Variants in SLC39A11 observed in about 807,000 individuals in gnomAD.
SLC39A11 encodes the protein zinc transporter ZIP11.
A neutral mutation model predicts 36.1 loss-of-function variants in SLC39A11; 33 were observed. The observed-to-expected ratio is 0.91, with a 90% CI of 0.69 to 1.22. The LOEUF is 1.22. SLC39A11 is among the 50% of genes most tolerant of loss of function. The probability of loss-of-function intolerance (pLI) is 0.00; values close to 1 mark genes in which losing one functional copy is unlikely to be tolerated. For missense variants in SLC39A11, 432 were observed against 430.3 expected, an observed-to-expected ratio of 1.00 and a Z score of -0.03; for synonymous variants, 166 against 170.3, an observed-to-expected ratio of 0.97 and a Z score of 0.20.
intron 5 of SLC39A11, among the ~76,000 whole-genome samples, chr17:72,901,082 G>T (rs1598344921): frequency 2.0e-5 from 3 of 152,322 alleles, no homozygotes; most frequent in Admixed American, 2.0e-4. Flanking sequence ...CAGCAATGCT[G>T]TTAAACTGAA....
chr17:72,903,041 T>C (rs1220408896), intron 5 of SLC39A11, among the ~76,000 whole-genome samples: 4 of 152,052 alleles, frequency 2.6e-5, no homozygotes, highest in African/African-American at 9.7e-5. Flanking sequence ...CCAAGGTAAG[T>C]GGATCACCTG....
At chr17:72,764,950 T>C (rs1009659961) in intron 6 of SLC39A11, among the ~76,000 whole-genome samples, 1 of 152,212 alleles carries the variant, frequency 6.6e-6, no homozygotes, top group Non-Finnish European at 1.5e-5. Context: ...CCATCTCTCC[T>C]ACAACCTCCA....
At chr17:72,727,214 T>C (rs2073963910) in intron 7 of SLC39A11, among the ~76,000 whole-genome samples, 1 of 152,166 alleles carries the variant, frequency 6.6e-6, no homozygotes, top group African/African-American at 2.4e-5. Context: ...TGAGGGCATG[T>C]CTCCTCTCCA....
intron 6 of SLC39A11, among the ~76,000 whole-genome samples, chr17:72,798,430 T>TTTTTTTTTA (rs2076972226): frequency 6.6e-6 from 1 of 150,932 alleles, no homozygotes. Flanking sequence ...TTTTTTTTTT[T>TTTTTTTTTA]TGAGATGGAG....
intron 7 of SLC39A11, among the ~76,000 whole-genome samples, chr17:72,687,386 G>A (rs2071808930): frequency 6.6e-6 from 1 of 152,182 alleles, no homozygotes; most frequent in Non-Finnish European, 1.5e-5. Flanking sequence ...TGGGACTACA[G>A]GCGCGTGCCA....
chr17:72,881,128 C>A (rs2081179596), intron 5 of SLC39A11, among the ~76,000 whole-genome samples: 2 of 151,972 alleles, frequency 1.3e-5, no homozygotes, highest in Non-Finnish European at 2.9e-5. Context: ...AAAACATACA[C>A]CTACCATACG....
At position 72,866,376 on chromosome 17, in the gene SLC39A11, G is replaced by T. The variant is rs970971366; in HGVS notation, c.431-16572C>A. On this transcript the variant is annotated intron_variant, in intron 5 of 9. Transcript: ENST00000255559. ...CCACTGATTCTAGGTTAGGTGAGTT[G>T]TATAATTATTTCATTATCTATTACA... Among the ~76,000 whole-genome samples the T allele has an allele frequency of 5.9e-5, 9 of 152,094 alleles. No homozygotes were observed. The South Asian group carries it at 1.9e-3, about 32-fold the overall frequency.
At chr17:72,938,290 T>G (rs767477336) in intron 5 of SLC39A11, among the ~76,000 whole-genome samples, 3 of 152,092 alleles carry the variant, frequency 2.0e-5, no homozygotes, top group Non-Finnish European at 4.4e-5. Flanking sequence ...TTTAGGGAAG[T>G]GTTACATGGG....
intron 6 of SLC39A11, among the ~76,000 whole-genome samples, chr17:72,763,215 T>A (rs1213753765): frequency 6.6e-6 from 1 of 152,194 alleles, no homozygotes; most frequent in Non-Finnish European, 1.5e-5. Flanking sequence ...ATGAAACCAA[T>A]GTTCTAGAGA....
At position 72,846,000 on chromosome 17, in the gene SLC39A11, ATCTCTC is replaced by A. The variant is rs796515825; in HGVS notation, c.601+3628_601+3633del. The stretch of plus-strand genomic sequence containing the variant: ...GAGAATCCATCTTTCAAACCAATGA[ATCTCTC>A]TCTCTCTCTCTCTTTTTTTTTTTTT... On this transcript the variant is annotated intron_variant, in intron 6 of 9. Coordinates refer to ENST00000255559, the MANE Select transcript of SLC39A11 (RefSeq NM_139177.4). Among the ~76,000 whole-genome samples the A allele has an allele frequency of 2.9e-3, 385 of 132,430 alleles. 6 individuals carry two copies. The highest frequency in any genetic ancestry group is 0.011 in the African/African-American group (361 of 32,740). The allele number at this position is 132,430 out of a possible 152,430, so 86.9% of individuals were successfully genotyped here.
chr17:72,746,712 T>A (rs562863076), intron 6 of SLC39A11, among the ~76,000 whole-genome samples: 2 of 152,156 alleles, frequency 1.3e-5, no homozygotes, highest in Admixed American at 1.3e-4. Flanking sequence ...CACTCCAGCC[T>A]GGGTGACAGA....
intron 6 of SLC39A11, chr17:72,838,227 TTTTC>T (rs1431995750): frequency 1.6e-5 from 6 of 375,440 alleles, no homozygotes; most frequent in African/African-American, 7.1e-5. Context: ...TTTTCTTTCC[TTTTC>T]TTTTTTTTTT....
chr17:73,011,050 C>A (rs2090480777), intron 4 of SLC39A11, among the ~76,000 whole-genome samples: 1 of 142,476 alleles, frequency 7.0e-6, no homozygotes, highest in African/African-American at 2.5e-5. Flanking sequence ...CCCATCTGTG[C>A]CCTTGCCCCC....
chr17:72,898,322 T>C (rs1423210928), intron 5 of SLC39A11, among the ~76,000 whole-genome samples: 3 of 152,156 alleles, frequency 2.0e-5, no homozygotes, highest in Non-Finnish European at 2.9e-5. Context: ...ACACAGAGAA[T>C]TGATCAGGAC....
At chr17:72,966,378 CCA>C (rs1491064077) in intron 4 of SLC39A11, among the ~76,000 whole-genome samples, 57 of 152,312 alleles carry the variant, frequency 3.7e-4, no homozygotes, top group Admixed American at 5.9e-4. Context: ...CTACCGCCCC[CCA>C]CAGAGGGAGG....
chr17:72,889,075 T>C (rs2081587714), intron 5 of SLC39A11, among the ~76,000 whole-genome samples: 1 of 152,202 alleles, frequency 6.6e-6, no homozygotes, highest in South Asian at 2.1e-4. Flanking sequence ...AAATCTCTAT[T>C]TGCCCATTTT....
chr17:72,835,008 G>C (rs1873082996), intron 6 of SLC39A11, among the ~76,000 whole-genome samples: 1 of 152,224 alleles, frequency 6.6e-6, no homozygotes, highest in Non-Finnish European at 1.5e-5. Context: ...TGGGATCACG[G>C]AGGATTCCCA....
chr17:72,744,211 T>C (rs1233142736), intron 6 of SLC39A11, among the ~76,000 whole-genome samples: 1 of 152,230 alleles, frequency 6.6e-6, no homozygotes, highest in African/African-American at 2.4e-5. Context: ...AGGATGGCTG[T>C]GTTCAATGAA....
At chr17:72,670,155 T>TTA in intron 7 of SLC39A11, among the ~76,000 whole-genome samples, 1 of 104,884 alleles carries the variant, frequency 9.5e-6, no homozygotes, top group East Asian at 2.9e-4. Context: ...CACACACATT[T>TTA]TATATACACA....
Sources: gnomAD v4.1 joint callset for allele counts (sites outside exome capture counted in the v4.1 genomes callset) on GRCh38, gnomAD v4.1.1 for gene constraint, MANE v1.5 for transcripts, NCBI Gene and HGNC (gene_info 2026-07-23, HGNC 2026-07-21) for gene names.